Variants in C14orf132 observed in about 807,000 individuals in gnomAD.
C14orf132 encodes the protein uncharacterized protein C14orf132.
A neutral mutation model predicts 5.8 loss-of-function variants in C14orf132; 6 were observed. The observed-to-expected ratio is 1.03, with a 90% CI of 0.57 to 2.04. C14orf132 has a LOEUF of 2.04. C14orf132 is among the 30% of genes most tolerant of loss of function. The pLI is 0.00. For synonymous variants in C14orf132, 51 were observed against 49.8 expected (o/e 1.02, Z -0.10); for missense variants, 125 against 115.8 (o/e 1.08, Z -0.37).
chr14:96,056,462 G>C (rs1414521675), intron 1 of C14orf132, among the ~76,000 whole-genome samples: 1 of 152,200 alleles, frequency 6.6e-6, no homozygotes, highest in Admixed American at 6.5e-5. Context: ...ACTGCATAGT[G>C]GTCAAGGGTT....
At chr14:96,084,253 G>C (rs768231677) in intron 1 of C14orf132, among the ~76,000 whole-genome samples, 20 of 152,236 alleles carry the variant, frequency 1.3e-4, no homozygotes, top group Admixed American at 5.9e-4. Context: ...CAGGAACGCT[G>C]GTTAATTCCT....
intron 1 of C14orf132, chr14:96,051,021 C>G: frequency 2.5e-6 from 1 of 395,312 alleles, no homozygotes; most frequent in East Asian, 3.6e-5. Context: ...TAGACCATTA[C>G]CCCTACCTCC....
intron 1 of C14orf132, among the ~76,000 whole-genome samples, chr14:96,052,142 G>A (rs146551205): frequency 6.6e-6 from 1 of 152,282 alleles, no homozygotes; most frequent in African/African-American, 2.4e-5. Flanking sequence ...CTAGATCTGA[G>A]TCACAGCTGA....
chr14:96,084,154 T>C (rs1277575796), intron 1 of C14orf132, among the ~76,000 whole-genome samples: 1 of 152,160 alleles, frequency 6.6e-6, no homozygotes, highest in Non-Finnish European at 1.5e-5. Context: ...CAGATCCCAT[T>C]CGTGGAGTCC....
In C14orf132 at chr14:96,087,651, C is replaced by T. The variant is rs1566838598; in HGVS notation, c.*916C>T. 6.6e-6 allele frequency: 1 copy of T among 152,252 alleles called. No individual in the cohort carries two copies. 9.4% of individuals were successfully genotyped at this position (152,252 alleles called of 1,614,324 possible). A position where few individuals can be genotyped will look rare whatever the true frequency, so the allele number is the denominator to read the frequency against. ...CACTCTCAGCTCACTGAGCTCTCTG[C>T]CCCAACTAAGCACTTCCCTGAGGAG... is the stretch of plus-strand genomic sequence containing the variant. On this transcript the variant is annotated 3_prime_UTR_variant, in exon 2 of 2. Coordinates refer to ENST00000555004, the MANE Select transcript of C14orf132 (RefSeq NM_001252507.3).
In C14orf132 at chr14:96,086,584, C is replaced by A; in HGVS notation, c.101C>A (p.Ser34Tyr). Reference sequence around the variant, plus strand: ...AGCACCGAGTACTCCCTGTTTAACTCCTCTGCCAATGTCCACGCGGCTGCC... The same window carrying A: ...AGCACCGAGTACTCCCTGTTTAACTACTCTGCCAATGTCCACGCGGCTGCC... ...DFSTEYSLFN[S>Y]SANVHAAANG... Residue 34 changes from serine (S) to tyrosine (Y), a missense_variant, in exon 2 of 2, where the codon TCC becomes TAC. Transcript: ENST00000555004. The A allele has an allele frequency of 1.3e-6, 2 of 1,536,154 alleles. No homozygotes were observed. Among genetic ancestry groups the A allele is most frequent in the Non-Finnish European group, 1.7e-6 (2 of 1,146,930 alleles).
At chr14:96,052,272 G>A (rs1887050832) in intron 1 of C14orf132, among the ~76,000 whole-genome samples, 1 of 152,264 alleles carries the variant, frequency 6.6e-6, no homozygotes, top group Non-Finnish European at 1.5e-5. Context: ...AGTGGATTGT[G>A]GCTGAAGCCA....
chr14:96,041,336 C>T (rs948868505), intron 1 of C14orf132, among the ~76,000 whole-genome samples: 2 of 152,264 alleles, frequency 1.3e-5, no homozygotes, highest in Non-Finnish European at 1.5e-5. Flanking sequence ...GGACACTAAA[C>T]GAGATTAAAT....
chr14:96,062,625 A>G lies in C14orf132; in HGVS notation c.27+23098A>G, dbSNP rs999757870. ...AGTCCTCCTGCCCAGCTCCCTGCTC[A>G]CGGCTGCTAAGGTTCACATCCTCGC... On this transcript the variant is annotated intron_variant, in intron 1 of 1. Transcript: ENST00000555004. Among the ~76,000 whole-genome samples, 11 of 152,230 alleles carry G rather than the reference A, an allele frequency of 7.2e-5. 1 individual carries two copies. The highest frequency in any genetic ancestry group is 1.9e-4 in the East Asian group (1 of 5,176).
intron 1 of C14orf132, among the ~76,000 whole-genome samples, chr14:96,065,519 GT>G (rs1157965882): frequency 2.0e-5 from 3 of 152,104 alleles, no homozygotes; most frequent in African/African-American, 7.3e-5. Context: ...ATGATGCTCA[GT>G]TTCACTTTTA....
chr14:96,052,364 T>G (rs1475457794), intron 1 of C14orf132, among the ~76,000 whole-genome samples: 1 of 152,234 alleles, frequency 6.6e-6, no homozygotes. Context: ...AGAGGGGCGT[T>G]GGAGGACAGG....
chr14:96,046,973 G>A (rs1363169222), intron 1 of C14orf132, among the ~76,000 whole-genome samples: 1 of 152,202 alleles, frequency 6.6e-6, no homozygotes, highest in African/African-American at 2.4e-5. Flanking sequence ...GTCCCCAGAG[G>A]AACATATCGC....
chr14:96,085,643 C>G (rs1888158390), intron 1 of C14orf132, among the ~76,000 whole-genome samples: 1 of 152,236 alleles, frequency 6.6e-6, no homozygotes, highest in Non-Finnish European at 1.5e-5. Flanking sequence ...GTATTTGTTC[C>G]TATCCACCGG....
chr14:96,042,208 C>A (rs529010620), intron 1 of C14orf132, among the ~76,000 whole-genome samples: 3 of 152,152 alleles, frequency 2.0e-5, no homozygotes, highest in Non-Finnish European at 4.4e-5. Flanking sequence ...TAGCGAAGTC[C>A]AGAAAATATT....
rs116948026 is a variant in C14orf132, at chr14:96,071,518, A to T, written c.28-14993A>T. On this transcript the variant is annotated intron_variant, in intron 1 of 1. Transcript: ENST00000555004. The stretch of plus-strand genomic sequence containing the variant: ...CACTTTCCCTGGATTTGGTGGCATA[A>T]ACTCAAGTGTTCTGATTGCCATCAT... 2.6e-3 allele frequency among the ~76,000 whole-genome samples: 401 copies of T among 152,300 alleles called. 1 individual carries two copies. The highest frequency in any genetic ancestry group is 4.6e-3 in the Non-Finnish European group (310 of 68,022).
chr14:96,086,729 C>T lies in C14orf132; in HGVS notation c.246C>T (p.Thr82=), dbSNP rs537320987. 58 of 1,536,040 alleles carry T rather than the reference C, an allele frequency of 3.8e-5. 1 individual carries two copies. The highest frequency in any genetic ancestry group is 2.4e-4 in the Admixed American group (12 of 50,998). ...IVVVGVVYAF[T]F is the part of the protein sequence containing the mutation. Reference sequence around the variant, plus strand: ...TGGTGGGCGTGGTGTATGCCTTCACCTTCTGAGGACGGCACACCCTGCACC... The same window carrying T: ...TGGTGGGCGTGGTGTATGCCTTCACTTTCTGAGGACGGCACACCCTGCACC... Residue 82 remains threonine, a synonymous_variant, in exon 2 of 2, where the codon ACC becomes ACT. Transcript: ENST00000555004.
chr14:96,056,157 C>T (rs532308435), intron 1 of C14orf132, among the ~76,000 whole-genome samples: 2 of 152,298 alleles, frequency 1.3e-5, no homozygotes, highest in South Asian at 4.2e-4. Flanking sequence ...AGCTGCTCCC[C>T]AGAGGGAACT....
intron 1 of C14orf132, among the ~76,000 whole-genome samples, chr14:96,058,562 T>C (rs1413327284): frequency 2.6e-5 from 4 of 152,158 alleles, no homozygotes. Flanking sequence ...GAACAGTTTT[T>C]AATTGAAGTT....
rs1887396578 is a variant in C14orf132 at position 96,062,707 on chromosome 14, C to T, written c.27+23180C>T. ...GAACCGCTAGGGAGTGGTCCAGATCCCTTTGCCAAACATTTCAGCAACTGG... is the reference window on the plus strand; with the variant it reads ...GAACCGCTAGGGAGTGGTCCAGATCTCTTTGCCAAACATTTCAGCAACTGG... On this transcript the variant is annotated intron_variant, in intron 1 of 1. Transcript: ENST00000555004. 2.0e-5 allele frequency among the ~76,000 whole-genome samples: 3 copies of T among 152,122 alleles called. No homozygotes were observed. The South Asian group carries it at 6.2e-4, about 32-fold the overall frequency.
Sources: allele counts gnomAD v4.1 joint callset (sites outside exome capture counted in the v4.1 genomes callset), GRCh38; gene constraint gnomAD v4.1.1; transcripts MANE v1.5; gene names NCBI Gene and HGNC (gene_info 2026-07-23, HGNC 2026-07-21).